Variants in HSD17B2 observed in about 807,000 individuals in gnomAD.
The protein encoded by HSD17B2 is 17-beta-hydroxysteroid dehydrogenase type 2.
A neutral mutation model predicts 26.9 loss-of-function variants in HSD17B2; 32 were observed. The observed-to-expected ratio is 1.19, with a 90% CI of 0.90 to 1.60. The LOEUF (loss-of-function observed/expected upper bound fraction) is 1.60, where lower values mean the gene tolerates loss of function less well. HSD17B2 is among the 40% of genes most tolerant of loss of function. The probability of loss-of-function intolerance (pLI) is 0.00; values close to 1 mark genes in which losing one functional copy is unlikely to be tolerated. For synonymous variants in HSD17B2, 246 were observed against 186.7 expected (o/e 1.32, Z -2.59); for missense variants, 613 against 468.6 (o/e 1.31, Z -2.85).
intron 1 of HSD17B2, among the ~76,000 whole-genome samples, chr16:82,061,158 C>A (rs1401945889): frequency 1.3e-5 from 2 of 151,578 alleles, no homozygotes; most frequent in East Asian, 3.9e-4. Context: ...ACTTGGGAGG[C>A]TGAGGCAAAG....
chr16:82,044,557 C>T (rs1913861357), intron 1 of HSD17B2: 1 of 152,312 alleles, frequency 6.6e-6, no homozygotes, highest in South Asian at 2.1e-4. Flanking sequence ...GGATTTTCTC[C>T]TCTCCTTCTC....
intron 3 of HSD17B2, chr16:82,072,113 T>A (rs1347716085): frequency 2.0e-5 from 3 of 152,188 alleles, no homozygotes; most frequent in African/African-American, 7.2e-5. Context: ...TCACATTCCC[T>A]TTCCTGGCTT....
chr16:82,078,121 A>C (rs1014595998), intron 3 of HSD17B2, among the ~76,000 whole-genome samples: 11 of 152,252 alleles, frequency 7.2e-5, no homozygotes, highest in Non-Finnish European at 1.5e-4. Context: ...AAATATCTGC[A>C]AACTAGCCAT....
intron 3 of HSD17B2, among the ~76,000 whole-genome samples, chr16:82,082,015 T>G (rs576445288): frequency 3.3e-5 from 5 of 152,200 alleles, no homozygotes; most frequent in Non-Finnish European, 4.4e-5. Context: ...AAATACCACA[T>G]GTCCTCACTT....
intron 1 of HSD17B2, among the ~76,000 whole-genome samples, chr16:82,047,289 T>G (rs145741830): frequency 1.8e-3 from 269 of 152,264 alleles, no homozygotes; most frequent in African/African-American, 6.3e-3. Context: ...AGAACCTACC[T>G]GGTATGTTGT....
intron 1 of HSD17B2, among the ~76,000 whole-genome samples, chr16:82,038,267 T>A (rs979321195): frequency 6.6e-6 from 1 of 152,254 alleles, no homozygotes; most frequent in Non-Finnish European, 1.5e-5. Context: ...AGTGTTTGAA[T>A]ACATATTTGT....
At chr16:82,051,457 A>G (rs773637581) in intron 1 of HSD17B2, among the ~76,000 whole-genome samples, 35 of 152,202 alleles carry the variant, frequency 2.3e-4, no homozygotes, top group Admixed American at 2.6e-4. Context: ...TCAGCAAACT[A>G]ACACAGGAAC....
In HSD17B2 at chr16:82,068,347, C is replaced by G; in HGVS notation, c.443C>G (p.Ala148Gly). Residue 148 changes from alanine (A) to glycine (G), a missense_variant, in exon 2 of 5, where the codon GCT becomes GGT. Transcript: ENST00000199936. The stretch of plus-strand genomic sequence containing the variant: ...ACGAAGCCAGTGCAGATAAAAGATG[C>G]TTACAGCAAGGTTGCAGCAATGCTG... ...DITKPVQIKD[A>G]YSKVAAMLQD... 1 of 1,613,602 alleles carries G rather than the reference C, an allele frequency of 6.2e-7. No individual in the cohort carries two copies. The highest frequency in any genetic ancestry group is 8.5e-7 in the Non-Finnish European group (1 of 1,179,918).
chr16:82,068,440 T>G, intron 2 of HSD17B2, 58 bp downstream of exon 2: 3 of 1,446,110 alleles, frequency 2.1e-6, no homozygotes, highest in South Asian at 2.5e-5. Context: ...CAGCTCTTGT[T>G]CCGGCTTAGG....
rs916124032 is a variant in HSD17B2 at position 82,035,253 on chromosome 16, A to G, written c.-172A>G. On this transcript the variant is annotated 5_prime_UTR_variant, in exon 1 of 5. Transcript: ENST00000199936. ...GTTGAAGTGCACACTGGTTTAAATT[A>G]CCCACTGGGAATATGATTATGCTTA... is the stretch of plus-strand genomic sequence containing the variant. 1.6e-6 allele frequency: 1 copy of G among 611,720 alleles called. No individual in the cohort carries two copies. The highest frequency in any genetic ancestry group is 2.8e-6 in the Non-Finnish European group (1 of 351,546). 37.9% of individuals were successfully genotyped at this position (611,720 alleles called of 1,614,324 possible).
intron 1 of HSD17B2, among the ~76,000 whole-genome samples, chr16:82,041,038 AGGTTT>A (rs1466019201): frequency 2.0e-5 from 3 of 152,104 alleles, no homozygotes; most frequent in African/African-American, 7.3e-5. Flanking sequence ...AGCATAAAAA[AGGTTT>A]TGATAACCCG....
intron 1 of HSD17B2, among the ~76,000 whole-genome samples, chr16:82,065,818 A>C (rs1914557425): frequency 6.6e-6 from 1 of 152,210 alleles, no homozygotes; most frequent in African/African-American, 2.4e-5. Context: ...GTCGATCCCT[A>C]CCATCTGTGT....
At chr16:82,039,692 G>C (rs964469917) in intron 1 of HSD17B2, among the ~76,000 whole-genome samples, 1 of 152,232 alleles carries the variant, frequency 6.6e-6, no homozygotes, top group African/African-American at 2.4e-5. Context: ...CTCTAAGCTT[G>C]GCAGGAGATG....
chr16:82,079,940 A>G (rs1904336467), intron 3 of HSD17B2, among the ~76,000 whole-genome samples: 1 of 152,192 alleles, frequency 6.6e-6, no homozygotes, highest in African/African-American at 2.4e-5. Context: ...AGCAAGGTGC[A>G]TGGAGGGAGA....
At chr16:82,094,210 T>G (rs945641916) in intron 4 of HSD17B2, 2 of 152,186 alleles carry the variant, frequency 1.3e-5, no homozygotes, top group Admixed American at 1.3e-4. Flanking sequence ...CAGGTCTCAT[T>G]CTCATTTTAC....
intron 1 of HSD17B2, among the ~76,000 whole-genome samples, chr16:82,055,545 T>C (rs183696079): frequency 6.6e-6 from 1 of 152,154 alleles, no homozygotes; most frequent in East Asian, 1.9e-4. Flanking sequence ...ATGGAGTAAG[T>C]AGCACATATG....
chr16:82,072,614 G>C (rs1381173423), intron 3 of HSD17B2, among the ~76,000 whole-genome samples: 1 of 152,122 alleles, frequency 6.6e-6, no homozygotes, highest in African/African-American at 2.4e-5. Context: ...ACTCATATGA[G>C]TTCACTTTAG....
intron 1 of HSD17B2, among the ~76,000 whole-genome samples, chr16:82,038,410 C>T (rs923139781): frequency 5.9e-5 from 9 of 152,106 alleles, no homozygotes; most frequent in Admixed American, 2.6e-4. Context: ...AGTGCAGTGG[C>T]ATGATCTCAG....
At chr16:82,051,711 A>G (rs1914112422) in intron 1 of HSD17B2, among the ~76,000 whole-genome samples, 1 of 152,210 alleles carries the variant, frequency 6.6e-6, no homozygotes, top group Non-Finnish European at 1.5e-5. Flanking sequence ...AGTTCTGCAC[A>G]TGTATCCCGG....
Sources: allele counts gnomAD v4.1 joint callset (sites outside exome capture counted in the v4.1 genomes callset), GRCh38; gene constraint gnomAD v4.1.1; transcripts MANE v1.5; gene names NCBI Gene and HGNC (gene_info 2026-07-23, HGNC 2026-07-21).